SLC17A1: variants seen among roughly 807,000 people sequenced by gnomAD.
SLC17A1 encodes the protein sodium-dependent phosphate transport protein 1.
SLC17A1 carries 51 observed loss-of-function variants against 53.5 expected under a neutral mutation model. That is an observed-to-expected ratio of 0.95 (90% CI 0.76 to 1.20). SLC17A1 has a LOEUF of 1.20. Among genes scored for constraint, SLC17A1 ranks in the 50% most tolerant of loss-of-function variants. The pLI is 0.00. For missense variants in SLC17A1, 538 were observed against 568.2 expected (o/e 0.95, Z 0.54); for synonymous variants, 179 against 198.8 (o/e 0.90, Z 0.84).
At chr6:25,810,014 G>C (rs972591152) in intron 10 of SLC17A1, among the ~76,000 whole-genome samples, 1 of 152,034 alleles carries the variant, frequency 6.6e-6, no homozygotes, top group African/African-American at 2.4e-5. Flanking sequence ...CAACATGAGG[G>C]AAGGATGGTG....
the SLC17A1 span, chr6:25,776,479 TA>T: frequency 8.0e-7 from 1 of 1,245,422 alleles, no homozygotes; most frequent in Non-Finnish European, 1.1e-6. Context: ...GAATTTGTAT[TA>T]AAAGTGATGC....
At chr6:25,776,565 C>T in the SLC17A1 span, 2 of 1,571,068 alleles carry the variant, frequency 1.3e-6, no homozygotes, top group East Asian at 2.2e-5. Flanking sequence ...GGTAAGGGCA[C>T]ATGCACCTGA....
intron 2 of SLC17A1, among the ~76,000 whole-genome samples, chr6:25,827,668 C>T (rs1048581060): frequency 2.6e-5 from 4 of 152,108 alleles, no homozygotes; most frequent in African/African-American, 9.7e-5. Context: ...TTAGATCTCT[C>T]CTAACTGCAT....
At chr6:25,771,006 A>G in the SLC17A1 span, 3 of 1,613,152 alleles carry the variant, frequency 1.9e-6, no homozygotes, top group Non-Finnish European at 1.7e-6. Context: ...CGTCTTCTAT[A>G]TCTTTGGTGA....
At chr6:25,768,996 G>T in the SLC17A1 span, 10 of 1,613,874 alleles carry the variant, frequency 6.2e-6, no homozygotes, top group Non-Finnish European at 7.6e-6. Context: ...TTTTTGTTCA[G>T]TCCGACATGG....
the SLC17A1 span, among the ~76,000 whole-genome samples, chr6:25,767,209 G>A: frequency 0.9 from 137,345 of 152,200 alleles, 62,168 homozygotes; most frequent in East Asian, 0.98. Flanking sequence ...GCAAAAAATA[G>A]CACATACATA....
the SLC17A1 span, chr6:25,732,086 C>T: frequency 0.29 from 309,042 of 1,047,726 alleles, 51,475 homozygotes; most frequent in East Asian, 0.7. Flanking sequence ...GCTTTTTGTC[C>T]TCCTTCGAGT....
At chr6:25,726,441 G>A in the SLC17A1 span, 13 of 1,613,830 alleles carry the variant, frequency 8.1e-6, no homozygotes, top group African/African-American at 4.0e-5. Context: ...GATGGATCCG[G>A]CCTACGGGAA....
Position 25,826,481 on chromosome 6 carries a change from T to A in SLC17A1, c.187A>T (p.Lys63Ter). The A allele has an allele frequency of 6.2e-7, 1 of 1,606,016 alleles. No individual in the cohort carries two copies. The highest frequency in any genetic ancestry group is 1.1e-5 in the South Asian group (1 of 89,450). Residue 63 changes from lysine (K) to a stop codon, truncating the protein, a stop_gained, in exon 3 of 13, where the codon AAG becomes TAG. Coordinates refer to ENST00000244527, the MANE Select transcript of SLC17A1 (RefSeq NM_005074.5). LOFTEE classifies it high-confidence loss of function. ...PHGLPNTSTKKLLDNIKNPMY... is the reference protein window; with the variant it reads ...PHGLPNTSTK ...TGTACCTTTATATTATCCAGGAGCT[T>A]CTTTGTGGAGGTGTTGGGCAAACCA...
intron 10 of SLC17A1, 123 bp from the exon 11 acceptor site, chr6:25,801,103 C>T (rs1382881374): frequency 7.9e-6 from 5 of 629,786 alleles, no homozygotes. Context: ...TTCTCAAATT[C>T]CATTAAGATG....
the SLC17A1 span, among the ~76,000 whole-genome samples, chr6:25,730,324 G>A: frequency 1.3e-5 from 2 of 152,110 alleles, no homozygotes; most frequent in Non-Finnish European, 2.9e-5. Flanking sequence ...AATACTATTT[G>A]GCCTCAAAAA....
the SLC17A1 span, chr6:25,726,852 A>G: frequency 1.3e-6 from 2 of 1,545,688 alleles, no homozygotes; most frequent in East Asian, 4.5e-5. Context: ...GAGCACTGGA[A>G]AGTGCTGTGT....
chr6:25,770,466 G>C, the SLC17A1 span: 2 of 1,613,952 alleles, frequency 1.2e-6, no homozygotes, highest in Non-Finnish European at 1.7e-6. Context: ...ACCATTGCTG[G>C]ATCAGGTAAC....
chr6:25,782,902 T>C (rs1314161193), downstream of SLC17A1: 1 of 152,210 alleles, frequency 6.6e-6, no homozygotes, highest in Non-Finnish European at 1.5e-5. Context: ...AAGTCTTTCA[T>C]GAAGCCTTAG....
chr6:25,801,814 C>A (rs915602811), intron 10 of SLC17A1, among the ~76,000 whole-genome samples: 9 of 152,086 alleles, frequency 5.9e-5, no homozygotes, highest in Non-Finnish European at 1.0e-4. Context: ...TTGTGGGTCC[C>A]TGTTCATAGA....
chr6:25,726,107 T>C, the SLC17A1 span: 1 of 1,502,152 alleles, frequency 6.7e-7, no homozygotes, highest in Non-Finnish European at 8.9e-7. Flanking sequence ...GACACAGAAG[T>C]CTTTTTACCA....
At chr6:25,758,690 GGTTA>G in the SLC17A1 span, among the ~76,000 whole-genome samples, 5 of 151,884 alleles carry the variant, frequency 3.3e-5, no homozygotes, top group Non-Finnish European at 7.4e-5. Context: ...TTTTTTCCTT[GGTTA>G]GTGTCGCTGA....
chr6:25,733,796 GTGTGTGTGTA>G, the SLC17A1 span, among the ~76,000 whole-genome samples: 1 of 106,954 alleles, frequency 9.3e-6, no homozygotes, highest in African/African-American at 3.4e-5. Context: ...GTGTGTGTGT[GTGTGTGTGTA>G]TGTGTGTGTG....
At chr6:25,732,028 G>A in the SLC17A1 span, 1 of 1,466,048 alleles carries the variant, frequency 6.8e-7, no homozygotes. Flanking sequence ...ACCTGCTTCA[G>A]CAGCTTGTAG....
Sources: gnomAD v4.1 joint callset for allele counts (sites outside exome capture counted in the v4.1 genomes callset) on GRCh38, gnomAD v4.1.1 for gene constraint, MANE v1.5 for transcripts, NCBI Gene and HGNC (gene_info 2026-07-23, HGNC 2026-07-21) for gene names.